The following ASCC3 variants were observed in gnomAD, a reference collection of about 807,000 sequenced individuals.
The protein encoded by ASCC3 is ASC-1 complex subunit P200.
ASCC3 carries 158 observed loss-of-function variants against 256.3 expected under a neutral mutation model. The observed-to-expected ratio is 0.62, with a 90% CI of 0.54 to 0.70. The LOEUF (loss-of-function observed/expected upper bound fraction) is 0.70, where lower values mean the gene tolerates loss of function less well. ASCC3 is among the 30% of genes least tolerant of loss of function. ASCC3 has a pLI of 0.00. For missense variants in ASCC3, 2,259 were observed against 2,626.0 expected (o/e 0.86, Z 3.05); for synonymous variants, 948 against 883.4 (o/e 1.07, Z -1.30).
At chr6:100,698,691 A>G (rs1778203870) in intron 13 of ASCC3, among the ~76,000 whole-genome samples, 1 of 152,144 alleles carries the variant, frequency 6.6e-6, no homozygotes, top group Non-Finnish European at 1.5e-5. Context: ...GTTTTTAAGG[A>G]GAATACTGAC....
At chr6:100,756,185 A>T (rs1296278093) in intron 10 of ASCC3, among the ~76,000 whole-genome samples, 1 of 151,938 alleles carries the variant, frequency 6.6e-6, no homozygotes, top group Non-Finnish European at 1.5e-5. Flanking sequence ...TTTTGTTATG[A>T]CAAATGGTAT....
chr6:100,626,227 T>G (rs1347460119), intron 29 of ASCC3, among the ~76,000 whole-genome samples: 1 of 152,036 alleles, frequency 6.6e-6, no homozygotes, highest in Admixed American at 6.6e-5. Context: ...TATATTTAGG[T>G]CTACACAACT....
intron 34 of ASCC3, among the ~76,000 whole-genome samples, chr6:100,598,798 C>T (rs535772505): frequency 3.2e-4 from 48 of 152,218 alleles, no homozygotes; most frequent in Middle Eastern, 6.8e-3. Context: ...CTAACTAAAC[C>T]TTATCTAGTT....
intron 34 of ASCC3, among the ~76,000 whole-genome samples, chr6:100,601,060 C>T (rs531230891): frequency 6.6e-6 from 1 of 152,134 alleles, no homozygotes; most frequent in East Asian, 1.9e-4. Flanking sequence ...ATGACTCTTT[C>T]AAGCCCTGAG....
chr6:100,870,430 A>AT (rs1320773065), intron 1 of ASCC3, among the ~76,000 whole-genome samples: 2 of 152,100 alleles, frequency 1.3e-5, no homozygotes, highest in Non-Finnish European at 2.9e-5. Context: ...TTTTTTAAAA[A>AT]TGACACTTTA....
At chr6:100,839,248 T>C (rs1366719898) in intron 4 of ASCC3, among the ~76,000 whole-genome samples, 1 of 152,028 alleles carries the variant, frequency 6.6e-6, no homozygotes, top group East Asian at 1.9e-4. Context: ...TGGGAGGAGG[T>C]TGATTAAACT....
chr6:100,736,773 C>T (rs931383240), intron 10 of ASCC3, among the ~76,000 whole-genome samples: 2 of 152,132 alleles, frequency 1.3e-5, no homozygotes, highest in Non-Finnish European at 2.9e-5. Flanking sequence ...CTTAATGGCT[C>T]CCCTTGGATC....
chr6:100,720,802 AATT>A (rs1335794861), intron 11 of ASCC3, among the ~76,000 whole-genome samples: 1 of 149,450 alleles, frequency 6.7e-6, no homozygotes, highest in Admixed American at 6.8e-5. Context: ...GTGAAGATGA[AATT>A]ATTATACATA....
chr6:100,836,331 A>T (rs1025644247), intron 4 of ASCC3, among the ~76,000 whole-genome samples: 1 of 152,022 alleles, frequency 6.6e-6, no homozygotes, highest in African/African-American at 2.4e-5. Context: ...CTTATTCCAG[A>T]TCTTAAAAGT....
chr6:100,756,032 T>C (rs140346506), intron 10 of ASCC3, among the ~76,000 whole-genome samples: 2,078 of 152,128 alleles, frequency 0.014, 21 homozygotes, highest in East Asian at 0.045. Flanking sequence ...AAGATTCATA[T>C]ATGTAAAAAT....
intron 37 of ASCC3, among the ~76,000 whole-genome samples, chr6:100,531,666 A>C (rs1187077115): frequency 6.6e-6 from 1 of 152,002 alleles, no homozygotes. Context: ...AAATTTTTAG[A>C]ATAACTTGGT....
chr6:100,647,221 C>A lies in ASCC3; in HGVS notation c.3478+5G>T, dbSNP rs1475635714. The A allele has an allele frequency of 6.3e-7, 1 of 1,597,618 alleles. No individual in the cohort carries two copies. The highest frequency in any genetic ancestry group is 1.1e-5 in the South Asian group (1 of 90,706). ...TACATTCAAACATATTTGCTTCCTTCTTACCTATTTCATCTTTCCTCATGT... is the reference window on the plus strand; with the variant it reads ...TACATTCAAACATATTTGCTTCCTTATTACCTATTTCATCTTTCCTCATGT... On this transcript the variant is annotated splice_donor_5th_base_variant and intron_variant, in intron 21 of 41. Transcript: ENST00000369162.
chr6:100,687,932 G>T (rs1339968525), intron 13 of ASCC3, among the ~76,000 whole-genome samples: 1 of 150,662 alleles, frequency 6.6e-6, no homozygotes, highest in Non-Finnish European at 1.5e-5. Context: ...AATACCACCT[G>T]AAAAGGTAAA....
chr6:100,687,026 TCTCTCTCTCACA>T (rs1777601317), intron 13 of ASCC3, among the ~76,000 whole-genome samples: 2 of 73,168 alleles, frequency 2.7e-5, no homozygotes, highest in Admixed American at 1.6e-4. Flanking sequence ...TCTCTCTCTC[TCTCTCTCTCACA>T]CACACACACA....
chr6:100,540,381 C>T lies in ASCC3; in HGVS notation c.5557G>A (p.Glu1853Lys). Residue 1853 changes from glutamate (E) to lysine (K), a missense_variant, in exon 37 of 42, where the codon GAA (glutamate) becomes AAA (lysine). Physicochemically the swap from Glu to Lys is moderately conservative, Grantham distance 56 (BLOSUM62 1). Around this residue, in one of 2 missense-constraint regions of ASCC3, gnomAD observed 1,839 missense variants for 2,206.7 expected, o/e 0.83. Transcript: ENST00000369162. Reference protein sequence around the residue: ...EELLSILSDAEEYTDLPVRHN... With the variant: ...EELLSILSDAKEYTDLPVRHN... ...CTCACTGGCAAATCTGTATATTCTT[C>T]TGCATCCTGAAAAAAAAAAAAAGCC... 1 of 1,603,916 alleles carries T rather than the reference C, an allele frequency of 6.2e-7. No individual in the cohort carries two copies.
intron 8 of ASCC3, among the ~76,000 whole-genome samples, chr6:100,786,315 G>A (rs1054824807): frequency 2.6e-5 from 4 of 152,052 alleles, no homozygotes; most frequent in East Asian, 1.9e-4. Flanking sequence ...GATATAATGC[G>A]GATGGAAATA....
chr6:100,626,330 T>G (rs1774232747), intron 29 of ASCC3, among the ~76,000 whole-genome samples: 2 of 152,026 alleles, frequency 1.3e-5, no homozygotes, highest in African/African-American at 4.8e-5. Context: ...CAGAATTTCT[T>G]TTTATGGGCT....
intron 14 of ASCC3, among the ~76,000 whole-genome samples, chr6:100,676,230 G>A (rs576738472): frequency 6.6e-6 from 1 of 152,022 alleles, no homozygotes; most frequent in Non-Finnish European, 1.5e-5. Context: ...TTCTATGACA[G>A]GTGAAGTTTT....
chr6:100,880,560 C>T (rs768331207), intron 1 of ASCC3, among the ~76,000 whole-genome samples: 7 of 152,190 alleles, frequency 4.6e-5, no homozygotes, highest in Non-Finnish European at 1.0e-4. Flanking sequence ...CTAGCACCCA[C>T]ATACACATTT....
Sources: allele counts gnomAD v4.1 joint callset (sites outside exome capture counted in the v4.1 genomes callset), GRCh38; gene constraint gnomAD v4.1.1; regional missense constraint gnomAD v4.1.1; transcripts MANE v1.5; gene names NCBI Gene and HGNC (gene_info 2026-07-23, HGNC 2026-07-21).